Variants in FREM1 observed in about 807,000 individuals in gnomAD.
The protein encoded by FREM1 is FRAS1 related extracellular matrix 1.
In FREM1, 220 loss-of-function variants were observed where a neutral mutation model predicts 210.1. That is an observed-to-expected ratio of 1.05 (90% CI 0.94 to 1.17). The LOEUF is 1.17. Among genes scored for constraint, FREM1 ranks in the 50% most tolerant of loss-of-function variants. The pLI is 0.00. For synonymous variants in FREM1, 1,189 were observed against 980.2 expected, an observed-to-expected ratio of 1.21 and a Z score of -3.98; for missense variants, 3,454 against 2,675.5, an observed-to-expected ratio of 1.29 and a Z score of -6.42.
At chr9:14,797,713 G>T in intron 20 of FREM1, 71 bp from the exon 21 acceptor site, 2 of 1,313,486 alleles carry the variant, frequency 1.5e-6, no homozygotes, top group Non-Finnish European at 2.2e-6. Flanking sequence ...CACAGATAAT[G>T]TCTTAATTTT....
In FREM1 at chr9:14,812,910, C is replaced by G. The variant is rs763918482; in HGVS notation, c.2795G>C (p.Arg932Pro). ...CCTCACCACCCCATGCTGAGGTTCG[C>G]GAGCAATCACAAACATCAACTTCAA... ...DNLKLMFVIA[R>P]EPQHGVVRRA... Residue 932 changes from arginine (R) to proline (P), a missense_variant, in exon 16 of 37, where the codon CGC becomes CCC. Physicochemically the swap from Arg to Pro is moderately radical, Grantham distance 103. Coordinates refer to ENST00000380880, the MANE Select transcript of FREM1 (RefSeq NM_001379081.2). The G allele has an allele frequency of 1.9e-6, 3 of 1,613,854 alleles. No individual in the cohort carries two copies. The East Asian group carries it at 6.7e-5, about 36-fold the overall frequency.
intron 27 of FREM1, among the ~76,000 whole-genome samples, chr9:14,765,977 C>A (rs562692180): frequency 9.2e-5 from 14 of 152,112 alleles, no homozygotes; most frequent in Non-Finnish European, 1.6e-4. Flanking sequence ...TCCTGTGTAA[C>A]TTAGTTTGGG....
intron 13 of FREM1, among the ~76,000 whole-genome samples, chr9:14,820,525 G>A (rs1335229727): frequency 6.6e-6 from 1 of 152,222 alleles, no homozygotes; most frequent in Non-Finnish European, 1.5e-5. Flanking sequence ...GGAAAGGGAA[G>A]GAAGCAAGTG....
At position 14,756,426 on chromosome 9, in the gene FREM1, T is replaced by C; in HGVS notation, c.5355A>G (p.Ala1785=). The change falls in exon 29 of 37, where the codon GCA becomes GCG. Residue 1785 remains alanine, a synonymous_variant. Transcript: ENST00000380880. The stretch of plus-strand genomic sequence containing the variant: ...GAATCACGGTGAAATCTTTTCCAAC[T>C]GCAGCTGACACTTGGTTGACCTTAG... ...VGIKVNQVSA[A]VGKDFTVIPS... 1.2e-6 allele frequency: 2 copies of C among 1,600,268 alleles called. No homozygotes were observed. The highest frequency in any genetic ancestry group is 1.7e-6 in the Non-Finnish European group (2 of 1,172,950).
chr9:14,760,023 T>A, intron 27 of FREM1, 122 bp from the exon 28 acceptor site: 3 of 625,642 alleles, frequency 4.8e-6, no homozygotes, highest in African/African-American at 3.7e-5. Flanking sequence ...GGAAATTCCT[T>A]AAGACTTATT....
chr9:14,878,687 A>C (rs1834237352), intron 1 of FREM1, among the ~76,000 whole-genome samples: 1 of 152,178 alleles, frequency 6.6e-6, no homozygotes, highest in Non-Finnish European at 1.5e-5. Flanking sequence ...CCTCACGAAG[A>C]TGTTAATTTC....
At chr9:14,849,065 C>T (rs555070757) in intron 6 of FREM1, among the ~76,000 whole-genome samples, 3 of 152,140 alleles carry the variant, frequency 2.0e-5, no homozygotes, top group South Asian at 2.1e-4. Flanking sequence ...CAACCCCTTC[C>T]CACATTCAGT....
At chr9:14,738,431 G>C (rs1223486573) in intron 36 of FREM1, among the ~76,000 whole-genome samples, 2 of 152,148 alleles carry the variant, frequency 1.3e-5, no homozygotes, top group African/African-American at 2.4e-5. Context: ...TTTTGGTTAG[G>C]AATGCCCTCC....
chr9:14,754,346 T>TA (rs1361996070), intron 29 of FREM1, among the ~76,000 whole-genome samples: 3 of 152,220 alleles, frequency 2.0e-5, no homozygotes. Context: ...CTTTCCCATA[T>TA]ATAACAGGAT....
intron 1 of FREM1, among the ~76,000 whole-genome samples, chr9:14,875,285 C>A (rs571612681): frequency 6.6e-6 from 1 of 152,274 alleles, no homozygotes; most frequent in Admixed American, 6.5e-5. Context: ...TTCCATTCTC[C>A]CCATCACTCA....
intron 10 of FREM1, among the ~76,000 whole-genome samples, chr9:14,837,938 T>A (rs768313499): frequency 1.3e-5 from 2 of 152,232 alleles, no homozygotes; most frequent in Non-Finnish European, 2.9e-5. Context: ...ACTAGCTATC[T>A]TGAGTGATCC....
chr9:14,740,794 T>G (rs1184372411), intron 35 of FREM1, among the ~76,000 whole-genome samples: 1 of 152,148 alleles, frequency 6.6e-6, no homozygotes, highest in Non-Finnish European at 1.5e-5. Context: ...GAAATTAAAG[T>G]GCTTGTTTTT....
At chr9:14,799,783 T>C (rs916079771) in intron 20 of FREM1, among the ~76,000 whole-genome samples, 6 of 152,162 alleles carry the variant, frequency 3.9e-5, no homozygotes, top group Non-Finnish European at 8.8e-5. Context: ...AATATATAAA[T>C]GCATTTTTTT....
intron 10 of FREM1, among the ~76,000 whole-genome samples, chr9:14,833,942 G>A (rs534276177): frequency 6.6e-6 from 1 of 152,294 alleles, no homozygotes; most frequent in Non-Finnish European, 1.5e-5. Flanking sequence ...TTGTGGGGCA[G>A]TTGGGGGGGA....
Position 14,848,688 on chromosome 9 carries a change from G to T in FREM1, c.1238C>A (p.Ala413Asp). 6.2e-7 allele frequency: 1 copy of T among 1,607,718 alleles called. No homozygotes were observed. Among genetic ancestry groups the T allele is most frequent in the Non-Finnish European group, 8.5e-7 (1 of 1,174,608 alleles). The change falls in exon 7 of 37, where the codon GCC becomes GAC. Residue 413 changes from alanine (A) to aspartate (D), a missense_variant. Transcript: ENST00000380880. ...ACCTGTATTCCAGGATACACGGGGG[G>T]CATTTGTATCTGCTGTTCTGATGGA... ...HISIRTADTN[A>D]PRVSWNTGLS...
intron 20 of FREM1, among the ~76,000 whole-genome samples, chr9:14,800,921 T>C (rs1817157477): frequency 6.6e-6 from 1 of 152,208 alleles, no homozygotes; most frequent in South Asian, 2.1e-4. Context: ...CAAATAAACA[T>C]TGTATATATT....
At chr9:14,861,328 T>TACATATATACACATATAC (rs1564108598) in intron 3 of FREM1, among the ~76,000 whole-genome samples, 2 of 87,250 alleles carry the variant, frequency 2.3e-5, no homozygotes, top group Non-Finnish European at 2.1e-5. Flanking sequence ...TACACATATA[T>TACATATATACACATATAC]ACATATATAC....
chr9:14,786,405 C>G (rs571769841), intron 23 of FREM1, among the ~76,000 whole-genome samples: 1 of 152,114 alleles, frequency 6.6e-6, no homozygotes, highest in East Asian at 1.9e-4. Flanking sequence ...CTTAAAAACA[C>G]AGTGGCCAAA....
At chr9:14,782,426 C>T (rs1849778731) in intron 24 of FREM1, 1 of 802,754 alleles carries the variant, frequency 1.2e-6, no homozygotes, top group East Asian at 1.3e-4. Flanking sequence ...AGCAAGGTCA[C>T]TGGTTTCTTC....
Sources: allele counts gnomAD v4.1 joint callset (sites outside exome capture counted in the v4.1 genomes callset), GRCh38; gene constraint gnomAD v4.1.1; transcripts MANE v1.5; gene names NCBI Gene and HGNC (gene_info 2026-07-23, HGNC 2026-07-21).